The following UBE3D variants were observed in gnomAD, a reference collection of about 807,000 sequenced individuals.
UBE3D encodes the protein ubiquitin protein ligase E3D.
Under a neutral mutation model 49.6 loss-of-function variants are expected in UBE3D, and 48 were observed. The observed-to-expected ratio is 0.97, with a 90% confidence interval of 0.77 to 1.23. UBE3D has a LOEUF of 1.23. UBE3D is among the 50% of genes most tolerant of loss of function. UBE3D has a pLI of 0.00. For synonymous variants in UBE3D, 189 were observed against 174.2 expected (o/e 1.08, Z -0.67); for missense variants, 452 against 468.4 (o/e 0.96, Z 0.32).
intron 8 of UBE3D, among the ~76,000 whole-genome samples, chr6:82,971,178 TATATC>T (rs1265869617): frequency 1.3e-5 from 2 of 152,206 alleles, no homozygotes; most frequent in Non-Finnish European, 2.9e-5. Flanking sequence ...CTTCTAATTA[TATATC>T]ATAATATTTG....
At chr6:82,952,196 G>A (rs1245609740) in intron 9 of UBE3D, among the ~76,000 whole-genome samples, 1 of 152,010 alleles carries the variant, frequency 6.6e-6, no homozygotes, top group African/African-American at 2.4e-5. Flanking sequence ...CTCGAGCCAG[G>A]CCTTGTACTT....
At chr6:83,054,058 C>G (rs1436489727) in intron 3 of UBE3D, 90 bp downstream of exon 3, 1 of 1,098,270 alleles carries the variant, frequency 9.1e-7, no homozygotes, top group East Asian at 2.4e-5. Context: ...CCATATACTA[C>G]TCCATTGGCA....
At chr6:82,909,247 G>T (rs184201295) in intron 9 of UBE3D, among the ~76,000 whole-genome samples, 4 of 152,228 alleles carry the variant, frequency 2.6e-5, no homozygotes, top group South Asian at 4.1e-4. Flanking sequence ...TTAGGGTACC[G>T]GTACTATTAA....
intron 9 of UBE3D, among the ~76,000 whole-genome samples, chr6:82,943,193 T>C (rs918055158): frequency 2.0e-5 from 3 of 152,222 alleles, no homozygotes; most frequent in African/African-American, 7.2e-5. Flanking sequence ...ATTTCTCCCC[T>C]GTGGAATGGG....
intron 9 of UBE3D, among the ~76,000 whole-genome samples, chr6:82,919,701 C>T (rs1316129650): frequency 6.6e-6 from 1 of 152,106 alleles, no homozygotes; most frequent in Non-Finnish European, 1.5e-5. Flanking sequence ...CTGGAGGTAA[C>T]AGCACAAGGT....
At chr6:82,979,242 T>C (rs1777944429) in intron 8 of UBE3D, among the ~76,000 whole-genome samples, 1 of 152,182 alleles carries the variant, frequency 6.6e-6, no homozygotes, top group African/African-American at 2.4e-5. Context: ...AGATAATCCT[T>C]TGCAATGTTT....
At chr6:83,039,036 C>T (rs1782463870) in intron 4 of UBE3D, among the ~76,000 whole-genome samples, 1 of 152,214 alleles carries the variant, frequency 6.6e-6, no homozygotes, top group Admixed American at 6.5e-5. Flanking sequence ...GAAAGACAGG[C>T]AGTGCTCTGG....
At chr6:83,015,486 C>T (rs1202188188) in intron 8 of UBE3D, among the ~76,000 whole-genome samples, 1 of 152,174 alleles carries the variant, frequency 6.6e-6, no homozygotes, top group Non-Finnish European at 1.5e-5. Flanking sequence ...ACTTAGTGGG[C>T]CCAAATCAAT....
intron 8 of UBE3D, among the ~76,000 whole-genome samples, chr6:82,985,707 C>T (rs1463323728): frequency 1.3e-5 from 2 of 152,020 alleles, no homozygotes; most frequent in South Asian, 2.1e-4. Context: ...AATGGATCCC[C>T]GTGTAACATG....
At chr6:83,064,820 C>A (rs1000818895) in intron 1 of UBE3D, among the ~76,000 whole-genome samples, 1 of 152,134 alleles carries the variant, frequency 6.6e-6, no homozygotes, top group African/African-American at 2.4e-5. Context: ...ACGCCATATT[C>A]CAAATTGCCA....
At chr6:82,935,539 C>T (rs1017330195) in intron 9 of UBE3D, among the ~76,000 whole-genome samples, 4 of 152,130 alleles carry the variant, frequency 2.6e-5, no homozygotes, top group African/African-American at 9.7e-5. Context: ...TATAGAACTA[C>T]TTAAAGACAG....
chr6:83,044,606 C>A lies in UBE3D; in HGVS notation c.419G>T (p.Gly140Val). Residue 140 changes from glycine to valine, a missense_variant, in exon 4 of 10, where the codon GGA becomes GTA. Physicochemically the swap from Gly to Val is moderately radical, Grantham distance 109. Transcript: ENST00000369747. Reference protein sequence around the residue: ...LPSENWGALVGEWCCHPDPFA... With the variant: ...LPSENWGALVVEWCCHPDPFA... ...GGGGTCAGGATGACAACACCATTCT[C>A]CAACTAGAGCTCCCCAGTTCTCACT... 6.2e-7 allele frequency: 1 copy of A among 1,614,124 alleles called. No individual in the cohort carries two copies. The highest frequency in any genetic ancestry group is 2.2e-5 in the East Asian group (1 of 44,880).
intron 8 of UBE3D, among the ~76,000 whole-genome samples, chr6:82,971,033 G>C (rs1249174760): frequency 6.6e-6 from 1 of 151,952 alleles, no homozygotes; most frequent in Non-Finnish European, 1.5e-5. Flanking sequence ...TTTTGGTCTG[G>C]CTTCTTTCAC....
chr6:82,967,620 A>G (rs1350439828), intron 8 of UBE3D, among the ~76,000 whole-genome samples: 1 of 152,112 alleles, frequency 6.6e-6, no homozygotes, highest in Non-Finnish European at 1.5e-5. Context: ...TCATCCAAGT[A>G]ATTGTATCAA....
intron 8 of UBE3D, among the ~76,000 whole-genome samples, chr6:83,005,110 G>T (rs1017873527): frequency 9.7e-5 from 14 of 144,724 alleles, no homozygotes; most frequent in African/African-American, 3.8e-4. Flanking sequence ...TTATTATCCA[G>T]AATATAAAGC....
chr6:82,957,332 G>A lies in UBE3D; in HGVS notation c.1129C>T (p.Arg377Cys), dbSNP rs763045511. 8.1e-6 allele frequency: 13 copies of A among 1,613,840 alleles called. No individual in the cohort carries two copies. The highest frequency in any genetic ancestry group is 1.7e-5 in the Admixed American group (1 of 59,978). Residue 377 changes from arginine to cysteine, a missense_variant, in exon 9 of 10, where the codon CGC becomes TGC. Arg to Cys is a radical substitution (Grantham distance 180). Coordinates refer to ENST00000369747, the MANE Select transcript of UBE3D (RefSeq NM_198920.3). ...CTCACCTGAAAGGAATTCACACGGC[G>A]AAGGGATGAAGGCAGATTGGCATTA... Reference protein sequence around the residue: ...KSNANLPSSLRRVNSFQVAFL... With the variant: ...KSNANLPSSLCRVNSFQVAFL...
intron 9 of UBE3D, among the ~76,000 whole-genome samples, chr6:82,909,837 G>T (rs1772370601): frequency 6.6e-6 from 1 of 152,042 alleles, no homozygotes; most frequent in Non-Finnish European, 1.5e-5. Flanking sequence ...TTGTTCCTGT[G>T]GGCACATCTG....
intron 9 of UBE3D, among the ~76,000 whole-genome samples, chr6:82,939,007 A>C (rs1487983662): frequency 6.6e-6 from 1 of 151,874 alleles, no homozygotes; most frequent in Non-Finnish European, 1.5e-5. Flanking sequence ...CGATCGTGCT[A>C]CTACACTCCA....
At chr6:82,955,221 T>G (rs1351595203) in intron 9 of UBE3D, among the ~76,000 whole-genome samples, 2 of 152,178 alleles carry the variant, frequency 1.3e-5, no homozygotes, top group Non-Finnish European at 2.9e-5. Context: ...TAGATTGGTC[T>G]TCCTCCCAAA....
Sources: allele counts gnomAD v4.1 joint callset (sites outside exome capture counted in the v4.1 genomes callset), GRCh38; gene constraint gnomAD v4.1.1; transcripts MANE v1.5; gene names NCBI Gene and HGNC (gene_info 2026-07-23, HGNC 2026-07-21).